Variants in DENND6A observed in about 807,000 individuals in gnomAD.
The protein encoded by DENND6A is protein DENND6A.
DENND6A carries 43 observed loss-of-function variants against 95.5 expected under a neutral mutation model. The observed-to-expected ratio is 0.45, with a 90% confidence interval of 0.35 to 0.58. The LOEUF is 0.58. Ranked by LOEUF, DENND6A falls within the 20% of genes least tolerant of loss-of-function variation. The probability of loss-of-function intolerance (pLI) is 0.00; values close to 1 mark genes in which losing one functional copy is unlikely to be tolerated. For synonymous variants in DENND6A, 257 were observed against 260.4 expected, an observed-to-expected ratio of 0.99 and a Z score of 0.13; for missense variants, 574 against 736.0, an observed-to-expected ratio of 0.78 and a Z score of 2.55.
chr3:57,673,237 G>GAAAA (rs1429355202), intron 1 of DENND6A, among the ~76,000 whole-genome samples: 1 of 116,848 alleles, frequency 8.6e-6, no homozygotes, highest in Non-Finnish European at 1.8e-5. Context: ...AAAAAAGAAA[G>GAAAA]AAAAAGAAAA....
intron 1 of DENND6A, among the ~76,000 whole-genome samples, chr3:57,686,706 T>C (rs561175758): frequency 1.3e-5 from 2 of 152,312 alleles, no homozygotes; most frequent in East Asian, 3.9e-4. Flanking sequence ...ACCATGCCCA[T>C]ATAAGATGGC....
intron 5 of DENND6A, among the ~76,000 whole-genome samples, chr3:57,662,088 G>GCAAAT (rs1182965449): frequency 3.3e-5 from 5 of 151,304 alleles, no homozygotes; most frequent in Non-Finnish European, 7.4e-5. Flanking sequence ...AGCAGTCAGG[G>GCAAAT]CAAATTCTGA....
intron 9 of DENND6A, among the ~76,000 whole-genome samples, chr3:57,655,285 G>A (rs1401403710): frequency 4.6e-5 from 7 of 152,200 alleles, no homozygotes; most frequent in South Asian, 2.1e-4. Context: ...CGCCCGCCTC[G>A]GCCTCCCAAA....
At chr3:57,637,171 C>A (rs1400391577) in intron 12 of DENND6A, among the ~76,000 whole-genome samples, 1 of 152,144 alleles carries the variant, frequency 6.6e-6, no homozygotes, top group Non-Finnish European at 1.5e-5. Context: ...GCCCATTTCA[C>A]AGATGAAGAA....
chr3:57,682,727 G>A (rs141733175), intron 1 of DENND6A, among the ~76,000 whole-genome samples: 1,580 of 152,150 alleles, frequency 0.01, 18 homozygotes, highest in African/African-American at 0.036. Flanking sequence ...CCAGGCTGGA[G>A]AGCAGTGGCA....
intron 9 of DENND6A, among the ~76,000 whole-genome samples, chr3:57,650,421 T>TACACACACACAC (rs67472290): frequency 3.3e-5 from 5 of 149,870 alleles, no homozygotes; most frequent in South Asian, 2.1e-4. Flanking sequence ...TGCATTTACA[T>TACACACACACAC]ACACACACAC....
intron 5 of DENND6A, among the ~76,000 whole-genome samples, chr3:57,662,477 A>G (rs900336130): frequency 1.3e-5 from 2 of 152,058 alleles, no homozygotes; most frequent in Non-Finnish European, 2.9e-5. Flanking sequence ...TGTTGGGATT[A>G]CAAGTGTAAG....
chr3:57,692,968 C>T lies in DENND6A; in HGVS notation c.51G>A (p.Leu17=). The change falls in exon 1 of 20, where the codon TTG becomes TTA. Residue 17 remains leucine (L), a synonymous_variant. Coordinates refer to ENST00000311128, the MANE Select transcript of DENND6A (RefSeq NM_152678.3). ...CCTCGGCCCCTGCCACCGCTTCGTCCAACGGCCTTCGAGAGCCGGGCCCCA... is the reference window on the plus strand; with the variant it reads ...CCTCGGCCCCTGCCACCGCTTCGTCTAACGGCCTTCGAGAGCCGGGCCCCA... ...AGLGPGSRRP[L]DEAVAGAEGR... 3.9e-6 allele frequency: 6 copies of T among 1,536,364 alleles called. No homozygotes were observed. The highest frequency in any genetic ancestry group is 5.2e-6 in the Non-Finnish European group (6 of 1,150,058).
chr3:57,630,682 C>T (rs751837504), intron 17 of DENND6A, 33 bp downstream of exon 17: 5 of 1,596,426 alleles, frequency 3.1e-6, no homozygotes, highest in African/African-American at 1.4e-5. Flanking sequence ...TAAAGCACGA[C>T]ACATGGGTGT....
At chr3:57,654,857 T>A (rs1484429501) in intron 9 of DENND6A, 1 of 875,216 alleles carries the variant, frequency 1.1e-6, no homozygotes, top group Non-Finnish European at 1.4e-6. Context: ...TATAACTGGA[T>A]AAATATGTAA....
rs2070523294 is a variant in DENND6A at position 57,626,164 on chromosome 3, C to T, written c.*2050G>A. On this transcript the variant is annotated 3_prime_UTR_variant, in exon 20 of 20. Transcript: ENST00000311128. The stretch of plus-strand genomic sequence containing the variant: ...ATTTCTTTCAAATGCCATATTCTCT[C>T]TATGACTTTGAGGTATGCTTCAAGA... 6.6e-6 allele frequency: 1 copy of T among 152,586 alleles called. No individual in the cohort carries two copies. 9.5% of individuals were successfully genotyped at this position (152,586 alleles called of 1,614,324 possible). A position where few individuals can be genotyped will look rare whatever the true frequency, so the allele number is the denominator to read the frequency against.
intron 17 of DENND6A, 95 bp downstream of exon 17, chr3:57,630,619 AG>A: frequency 6.6e-7 from 1 of 1,524,676 alleles, no homozygotes; most frequent in Non-Finnish European, 8.8e-7. Context: ...AAACTTTAGT[AG>A]AATTTTTTAA....
intron 8 of DENND6A, 43 bp downstream of exon 8, chr3:57,659,075 G>C (rs779267900): frequency 1.3e-6 from 2 of 1,587,528 alleles, no homozygotes; most frequent in Non-Finnish European, 1.7e-6. Flanking sequence ...CTGTTAAAGA[G>C]ACTATATATG....
chr3:57,683,937 A>G lies in DENND6A; in HGVS notation c.237+8845T>C, dbSNP rs559764128. Among the ~76,000 whole-genome samples, 73 of 152,074 alleles carry G rather than the reference A, an allele frequency of 4.8e-4. 1 individual carries two copies. The highest frequency in any genetic ancestry group is 3.5e-3 in the Admixed American group (54 of 15,274). The stretch of plus-strand genomic sequence containing the variant: ...TGGGAGGCCGCAGCGGGTGGATCAC[A>G]AGGTCAGGAGTTCAAGACCAGTCTA... On this transcript the variant is annotated intron_variant, in intron 1 of 19. Coordinates refer to ENST00000311128, the MANE Select transcript of DENND6A (RefSeq NM_152678.3).
chr3:57,629,637 G>A (rs573349216), intron 18 of DENND6A, among the ~76,000 whole-genome samples: 271 of 147,642 alleles, frequency 1.8e-3, no homozygotes, highest in East Asian at 5.1e-3. Flanking sequence ...TCAGCCTCCC[G>A]AGTAGCTGGG....
Position 57,630,473 on chromosome 3 carries a change from T to G in DENND6A, c.1568A>C (p.Lys523Thr). The G allele has an allele frequency of 6.3e-7, 1 of 1,596,220 alleles. No individual in the cohort carries two copies. The highest frequency in any genetic ancestry group is 1.2e-5 in the South Asian group (1 of 86,858). ...NFDGWFKTRRKEMTQKLEALH... is the reference protein window; with the variant it reads ...NFDGWFKTRRTEMTQKLEALH... ...TGCCTCCAATTTTTGGGTCATTTCC[T>G]TCCTCCGGGTCTTAAACCAGCCATC... Residue 523 changes from lysine (K) to threonine (T), a missense_variant, in exon 18 of 20, where the codon AAG becomes ACG. By Grantham distance (78) the Lys-to-Thr change is moderately conservative. Transcript: ENST00000311128.
intron 14 of DENND6A, among the ~76,000 whole-genome samples, chr3:57,634,170 C>T (rs925942465): frequency 4.6e-5 from 7 of 152,082 alleles, no homozygotes; most frequent in African/African-American, 9.7e-5. Flanking sequence ...CGGTGGCTGA[C>T]GCCTGTAATC....
At chr3:57,639,366 A>G (rs2070874858) in intron 12 of DENND6A, among the ~76,000 whole-genome samples, 1 of 152,212 alleles carries the variant, frequency 6.6e-6, no homozygotes, top group Non-Finnish European at 1.5e-5. Context: ...TTTCTTAAAC[A>G]GATTTATCAA....
At chr3:57,650,845 C>T (rs555463953) in intron 9 of DENND6A, among the ~76,000 whole-genome samples, 3 of 146,652 alleles carry the variant, frequency 2.0e-5, no homozygotes, top group South Asian at 2.2e-4. Flanking sequence ...AGTGCAATGG[C>T]GCGATCTTGG....
Sources: gnomAD v4.1 joint callset for allele counts (sites outside exome capture counted in the v4.1 genomes callset) on GRCh38, gnomAD v4.1.1 for gene constraint, MANE v1.5 for transcripts, NCBI Gene and HGNC (gene_info 2026-07-23, HGNC 2026-07-21) for gene names.